Variants in BSDC1 observed in about 807,000 individuals in gnomAD.
The protein encoded by BSDC1 is BSD domain-containing protein 1.
Under a neutral mutation model 56.0 loss-of-function variants are expected in BSDC1, and 29 were observed. The ratio of observed to expected loss-of-function variants is 0.52; its 90% confidence interval spans 0.39 to 0.71. The LOEUF (loss-of-function observed/expected upper bound fraction) is 0.71. Among genes scored for constraint, BSDC1 ranks in the 30% least tolerant of loss-of-function variants. The pLI is 0.00. For synonymous variants in BSDC1, 210 were observed against 215.3 expected (o/e 0.98, Z 0.21); for missense variants, 477 against 548.5 (o/e 0.87, Z 1.30).
At chr1:32,385,607 G>C (rs2148135370) in intron 3 of BSDC1, among the ~76,000 whole-genome samples, 1 of 152,104 alleles carries the variant, frequency 6.6e-6, no homozygotes, top group East Asian at 1.9e-4. Context: ...TGCACCTGTG[G>C]TCCCAGCTAT....
intron 10 of BSDC1, chr1:32,368,137 G>A (rs1257985660): frequency 7.1e-7 from 1 of 1,405,554 alleles, no homozygotes; most frequent in Non-Finnish European, 9.2e-7. Flanking sequence ...CTCCCAAAGT[G>A]TTGGGATTAC....
At chr1:32,368,012 G>A in intron 10 of BSDC1, 4 of 1,153,424 alleles carry the variant, frequency 3.5e-6, no homozygotes, top group Non-Finnish European at 4.3e-6. Flanking sequence ...GGCAGGGTTT[G>A]ATGTCTGTTT....
At chr1:32,384,241 T>G (rs1642591314) in intron 3 of BSDC1, among the ~76,000 whole-genome samples, 2 of 136,172 alleles carry the variant, frequency 1.5e-5, no homozygotes, top group South Asian at 2.4e-4. Context: ...ATTGGCTGTT[T>G]CATCAAAATT....
At chr1:32,388,445 T>A (rs953447036) in intron 2 of BSDC1, among the ~76,000 whole-genome samples, 4 of 152,190 alleles carry the variant, frequency 2.6e-5, no homozygotes, top group African/African-American at 4.8e-5. Context: ...CTATCCACAC[T>A]GCCACCATCT....
chr1:32,391,694 T>C (rs1642870180), intron 2 of BSDC1, among the ~76,000 whole-genome samples: 1 of 152,164 alleles, frequency 6.6e-6, no homozygotes, highest in Non-Finnish European at 1.5e-5. Context: ...AAGCAGATGA[T>C]AGCACCATCT....
At chr1:32,379,384 C>T (rs1365858234) in intron 5 of BSDC1, among the ~76,000 whole-genome samples, 1 of 152,066 alleles carries the variant, frequency 6.6e-6, no homozygotes. Context: ...CAACCTCATC[C>T]TCCCACTGAT....
intron 9 of BSDC1, chr1:32,374,572 G>A (rs775188899): frequency 2.0e-5 from 3 of 152,214 alleles, no homozygotes; most frequent in Admixed American, 2.0e-4. Flanking sequence ...TCCTGGGAGA[G>A]AATACAGAAG....
intron 3 of BSDC1, among the ~76,000 whole-genome samples, chr1:32,385,611 C>T (rs149887513): frequency 1.6e-4 from 25 of 152,062 alleles, no homozygotes; most frequent in African/African-American, 5.5e-4. Context: ...CCTGTGGTCC[C>T]AGCTATTTGG....
intron 9 of BSDC1, among the ~76,000 whole-genome samples, chr1:32,373,222 C>T (rs1191119061): frequency 6.6e-6 from 1 of 152,220 alleles, no homozygotes; most frequent in African/African-American, 2.4e-5. Flanking sequence ...TCCCACCTGA[C>T]TACGGTTGTT....
rs754796139 is a variant in BSDC1, at chr1:32,376,517, G to T, written c.901C>A (p.Leu301Ile). 2.5e-6 allele frequency: 4 copies of T among 1,592,504 alleles called. No individual in the cohort carries two copies. The South Asian group carries it at 4.5e-5, about 18-fold the overall frequency. ...NPATAPEARVLPKDLSQKLLE... is the reference protein window; with the variant it reads ...NPATAPEARVIPKDLSQKLLE... Reference sequence around the variant, plus strand: ...AGCTTTTGGGACAGGTCCTTGGGTAGCACTCGTGCCTCAGGTGCAGTGGCC... The same window carrying T: ...AGCTTTTGGGACAGGTCCTTGGGTATCACTCGTGCCTCAGGTGCAGTGGCC... The change falls in exon 9 of 11, where the codon CTA (leucine) becomes ATA (isoleucine). Residue 301 changes from leucine to isoleucine, a missense_variant. Transcript: ENST00000455895.
chr1:32,378,135 G>A lies in BSDC1; in HGVS notation c.597+80C>T, dbSNP rs562590616. ...CTGATCCCACAACTCTTGGCACCCT[G>A]TATCCCTTTCTTCTCTCAATAAATC... On this transcript the variant is annotated intron_variant, in intron 7 of 10. Coordinates refer to ENST00000455895, the MANE Select transcript of BSDC1 (RefSeq NM_018045.8). The surrounding 1 kb of genome is among the most constrained non-coding windows in gnomAD (Gnocchi z 5.2). 8.5e-5 allele frequency: 137 copies of A among 1,603,278 alleles called. No homozygotes were observed. In the African/African-American group the frequency reaches 1.6e-3, roughly 19 times the overall value.
chr1:32,368,642 G>C, intron 9 of BSDC1, 92 bp from the exon 10 acceptor site: 2 of 1,548,048 alleles, frequency 1.3e-6, no homozygotes, highest in Non-Finnish European at 1.8e-6. Context: ...TGCTTCAAAA[G>C]GGTCTCACAA....
At chr1:32,371,545 C>T (rs984101603) in intron 9 of BSDC1, among the ~76,000 whole-genome samples, 1 of 151,892 alleles carries the variant, frequency 6.6e-6, no homozygotes, top group African/African-American at 2.4e-5. Context: ...CTCCTGACCT[C>T]GTGATCTGCC....
rs779393348 is a variant in BSDC1 at position 32,366,597 on chromosome 1, G to T, written c.*25C>A. The T allele has an allele frequency of 1.1e-5, 17 of 1,513,528 alleles. No homozygotes were observed. The highest frequency in any genetic ancestry group is 2.5e-5 in the South Asian group (2 of 80,302). 93.8% of individuals were successfully genotyped at this position (1,513,528 alleles called of 1,614,324 possible). On this transcript the variant is annotated 3_prime_UTR_variant, in exon 11 of 11. Transcript: ENST00000455895. Reference sequence around the variant, plus strand: ...GAGGGAGGCGAGAGATGCCATGGGTGGGGGAGCTGCTCCCTCTGGCTCCCT... The same window carrying T: ...GAGGGAGGCGAGAGATGCCATGGGTTGGGGAGCTGCTCCCTCTGGCTCCCT...
At chr1:32,380,115 G>C (rs1642430748) in intron 5 of BSDC1, among the ~76,000 whole-genome samples, 3 of 152,186 alleles carry the variant, frequency 2.0e-5, no homozygotes, top group South Asian at 2.1e-4. Flanking sequence ...GAGAGGTCTA[G>C]AGCTACTACT....
At chr1:32,391,559 TG>T (rs59702912) in intron 2 of BSDC1, among the ~76,000 whole-genome samples, 8,524 of 152,282 alleles carry the variant, frequency 0.056, 765 homozygotes, top group African/African-American at 0.19. Flanking sequence ...TTCTTCTTTC[TG>T]GTAAGTATGT....
chr1:32,366,733 T>C, intron 10 of BSDC1, 79 bp from the exon 11 acceptor site: 3 of 1,443,024 alleles, frequency 2.1e-6, no homozygotes, highest in Non-Finnish European at 2.7e-6. Flanking sequence ...CTCCACTTGC[T>C]GAGCAGAGCC....
In BSDC1 at chr1:32,376,607, G is replaced by C; in HGVS notation, c.811C>G (p.Pro271Ala). 2 of 1,477,530 alleles carry C rather than the reference G, an allele frequency of 1.4e-6. No individual in the cohort carries two copies. The highest frequency in any genetic ancestry group is 1.8e-6 in the Non-Finnish European group (2 of 1,102,952). 91.5% of individuals were successfully genotyped at this position (1,477,530 alleles called of 1,614,324 possible). A position where few individuals can be genotyped will look rare whatever the true frequency, so the allele number is the denominator to read the frequency against. ...EENLVTSVEP[P>A]AEVTPSESSE... Reference sequence around the variant, plus strand: ...CTCTCTGATGGAGTCACCTCTGCTGGGGGCTCAACTGAAGTCACCAGATTC... The same window carrying C: ...CTCTCTGATGGAGTCACCTCTGCTGCGGGCTCAACTGAAGTCACCAGATTC... Residue 271 changes from proline (P) to alanine (A), a missense_variant, in exon 9 of 11, where the codon CCA becomes GCA. Physicochemically the swap from Pro to Ala is conservative, Grantham distance 27. Transcript: ENST00000455895.
rs1476188498 is a variant in BSDC1 at position 32,365,091 on chromosome 1, C to T, written c.*1531G>A. 1.3e-5 allele frequency: 2 copies of T among 152,204 alleles called. No individual in the cohort carries two copies. Among genetic ancestry groups the T allele is most frequent in the Admixed American group, 1.3e-4 (2 of 15,278 alleles). The allele number at this position is 152,204 out of a possible 1,614,324, so 9.4% of individuals were successfully genotyped here. ...CAGCTGCCAAGGGGACAAAAACAGA[C>T]CCCCAGACACCTTTCAGCTTCGGGT... On this transcript the variant is annotated 3_prime_UTR_variant, in exon 11 of 11. Coordinates refer to ENST00000455895, the MANE Select transcript of BSDC1 (RefSeq NM_018045.8).
Sources: allele counts gnomAD v4.1 joint callset (sites outside exome capture counted in the v4.1 genomes callset), GRCh38; gene constraint gnomAD v4.1.1; non-coding constraint Gnocchi (gnomAD v3.1); transcripts MANE v1.5; gene names NCBI Gene and HGNC (gene_info 2026-07-23, HGNC 2026-07-21).